Variants in SLC13A1 observed in about 807,000 individuals in gnomAD.
SLC13A1 encodes solute carrier family 13 member 1.
A neutral mutation model predicts 70.0 loss-of-function variants in SLC13A1; 65 were observed. The ratio of observed to expected loss-of-function variants is 0.93; its 90% CI spans 0.76 to 1.14. The LOEUF is 1.14. Ranked by LOEUF, SLC13A1 falls within the 50% of genes most tolerant of loss-of-function variation. SLC13A1 has a pLI of 0.00. For synonymous variants in SLC13A1, 275 were observed against 250.5 expected, an observed-to-expected ratio of 1.10 and a Z score of -0.92; for missense variants, 726 against 717.8, an observed-to-expected ratio of 1.01 and a Z score of -0.13.
At position 123,153,202 on chromosome 7, in the gene SLC13A1, C is replaced by G. The variant is rs112457532; in HGVS notation, c.661-5892G>C. Reference sequence around the variant, plus strand: ...GAAACAGGTTAATATGTTTGCCATGCTTTATGCCTTATGAATTAACCACAC... The same window carrying G: ...GAAACAGGTTAATATGTTTGCCATGGTTTATGCCTTATGAATTAACCACAC... On this transcript the variant is annotated intron_variant, in intron 6 of 14. Coordinates refer to ENST00000194130, the MANE Select transcript of SLC13A1 (RefSeq NM_022444.4). 1.3e-3 allele frequency among the ~76,000 whole-genome samples: 202 copies of G among 152,088 alleles called. 1 individual carries two copies. The East Asian group carries it at 0.014, about 10-fold the overall frequency.
At chr7:123,193,507 G>C (rs1437412850) in intron 1 of SLC13A1, among the ~76,000 whole-genome samples, 2 of 152,202 alleles carry the variant, frequency 1.3e-5, no homozygotes, top group Non-Finnish European at 2.9e-5. Flanking sequence ...TCCAGGCTGA[G>C]AGAGGCATCA....
intron 6 of SLC13A1, among the ~76,000 whole-genome samples, chr7:123,149,062 T>C (rs764891773): frequency 2.0e-5 from 3 of 152,182 alleles, no homozygotes; most frequent in Admixed American, 6.5e-5. Context: ...ATTGTTGTTC[T>C]TTCTATGTAG....
At position 123,192,002 on chromosome 7, in the gene SLC13A1, A is replaced by G. The variant is rs1310013836; in HGVS notation, c.99+7846T>C. Among the ~76,000 whole-genome samples, 4 of 152,304 alleles carry G rather than the reference A, an allele frequency of 2.6e-5. No homozygotes were observed. In the East Asian group the frequency reaches 5.8e-4, roughly 22 times the overall value. Reference sequence around the variant, plus strand: ...AAAACACTAAATCTTTATCTTAGGCATAAGGTTCCTTAGCATAGAAACTTC... The same window carrying G: ...AAAACACTAAATCTTTATCTTAGGCGTAAGGTTCCTTAGCATAGAAACTTC... On this transcript the variant is annotated intron_variant, in intron 1 of 14. Coordinates refer to ENST00000194130, the MANE Select transcript of SLC13A1 (RefSeq NM_022444.4).
At chr7:123,174,783 G>A (rs565140014) in intron 2 of SLC13A1, among the ~76,000 whole-genome samples, 2 of 151,956 alleles carry the variant, frequency 1.3e-5, no homozygotes, top group South Asian at 4.2e-4. Flanking sequence ...CTCCAATTTA[G>A]TTTTTTGCCA....
At chr7:123,189,231 C>CT (rs922558127) in intron 1 of SLC13A1, among the ~76,000 whole-genome samples, 26 of 149,604 alleles carry the variant, frequency 1.7e-4, no homozygotes, top group Admixed American at 2.0e-4. Context: ...GAATCTAACA[C>CT]TTTTTTTTTC....
chr7:123,138,669 A>G (rs1319511300), intron 7 of SLC13A1, among the ~76,000 whole-genome samples: 1 of 152,138 alleles, frequency 6.6e-6, no homozygotes, highest in Non-Finnish European at 1.5e-5. Flanking sequence ...TCTGATGATC[A>G]GTGATGTTGC....
intron 6 of SLC13A1, among the ~76,000 whole-genome samples, chr7:123,158,747 T>A (rs558570387): frequency 1.3e-5 from 2 of 151,742 alleles, no homozygotes; most frequent in Admixed American, 1.3e-4. Flanking sequence ...GACTTTTAAA[T>A]AGAAAAAAAG....
intron 1 of SLC13A1, among the ~76,000 whole-genome samples, chr7:123,187,340 T>C (rs1450908885): frequency 1.3e-5 from 2 of 152,194 alleles, no homozygotes; most frequent in Non-Finnish European, 2.9e-5. Context: ...TTTTTAGCAG[T>C]GTATTCTTTA....
At chr7:123,127,517 TACCACAAA>T (rs1793601131) in intron 10 of SLC13A1, among the ~76,000 whole-genome samples, 1 of 152,136 alleles carries the variant, frequency 6.6e-6, no homozygotes, top group Non-Finnish European at 1.5e-5. Context: ...ATCTAGATCC[TACCACAAA>T]ACCACAAAAT....
At chr7:123,141,134 T>A (rs1191662439) in intron 7 of SLC13A1, among the ~76,000 whole-genome samples, 2 of 152,260 alleles carry the variant, frequency 1.3e-5, no homozygotes, top group African/African-American at 2.4e-5. Context: ...TTTCAAAAAA[T>A]TTTTCAATTT....
chr7:123,134,580 C>T, intron 7 of SLC13A1, 51 bp from the exon 8 acceptor site: 4 of 1,573,118 alleles, frequency 2.5e-6, no homozygotes, highest in Non-Finnish European at 3.5e-6. Context: ...AGGTGGAATC[C>T]TTTCTGATTG....
At chr7:123,116,275 T>G (rs1210217958) in intron 14 of SLC13A1, among the ~76,000 whole-genome samples, 1 of 152,226 alleles carries the variant, frequency 6.6e-6, no homozygotes, top group African/African-American at 2.4e-5. Flanking sequence ...TTGTATCTAT[T>G]AAAATAAAAA....
At chr7:123,171,466 T>C (rs1795269623) in intron 3 of SLC13A1, among the ~76,000 whole-genome samples, 1 of 152,222 alleles carries the variant, frequency 6.6e-6, no homozygotes, top group Admixed American at 6.5e-5. Context: ...AGTCTATCAA[T>C]CTTGTCTGTT....
chr7:123,152,216 C>T (rs1794580085), intron 6 of SLC13A1, among the ~76,000 whole-genome samples: 1 of 152,150 alleles, frequency 6.6e-6, no homozygotes, highest in Non-Finnish European at 1.5e-5. Flanking sequence ...TACAGTAACT[C>T]AGGCCACATT....
intron 8 of SLC13A1, among the ~76,000 whole-genome samples, chr7:123,131,222 T>A (rs1002346729): frequency 1.3e-5 from 2 of 152,280 alleles, no homozygotes; most frequent in African/African-American, 4.8e-5. Flanking sequence ...ACAATCTCAG[T>A]TAAATTACTG....
chr7:123,140,224 T>C (rs1176656190), intron 7 of SLC13A1, among the ~76,000 whole-genome samples: 1 of 152,104 alleles, frequency 6.6e-6, no homozygotes, highest in Non-Finnish European at 1.5e-5. Flanking sequence ...TGTTATGATG[T>C]ATTATTACAT....
In SLC13A1 at chr7:123,191,466, G is replaced by A. The variant is rs191137932; in HGVS notation, c.99+8382C>T. Among the ~76,000 whole-genome samples the A allele has an allele frequency of 2.0e-5, 3 of 152,292 alleles. No individual in the cohort carries two copies. In the East Asian group the frequency reaches 5.8e-4, roughly 29 times the overall value. On this transcript the variant is annotated intron_variant, in intron 1 of 14. Transcript: ENST00000194130. ...CTTTTCTGACTCATTCTGATCTACA[G>A]AGATCTTTATTTGCTTTGTGTTTCC...
intron 6 of SLC13A1, among the ~76,000 whole-genome samples, chr7:123,152,995 A>G (rs1429657154): frequency 6.6e-6 from 1 of 152,164 alleles, no homozygotes; most frequent in African/African-American, 2.4e-5. Context: ...TATTAAATTG[A>G]TAATAAGAAT....
chr7:123,157,372 G>A (rs867083649), intron 6 of SLC13A1, among the ~76,000 whole-genome samples: 1 of 152,074 alleles, frequency 6.6e-6, no homozygotes, highest in Non-Finnish European at 1.5e-5. Flanking sequence ...TGTTTATAAA[G>A]TAATAAACAT....
Sources: allele counts gnomAD v4.1 joint callset (sites outside exome capture counted in the v4.1 genomes callset), GRCh38; gene constraint gnomAD v4.1.1; transcripts MANE v1.5; gene names NCBI Gene and HGNC (gene_info 2026-07-23, HGNC 2026-07-21).